The following KMT2A variants were observed in gnomAD, a reference collection of about 807,000 sequenced individuals.
KMT2A encodes the protein histone-lysine N-methyltransferase 2A.
KMT2A carries 16 observed loss-of-function variants against 345.3 expected under a neutral mutation model. The observed-to-expected ratio is 0.05, with a 90% CI of 0.03 to 0.07. The LOEUF is 0.07. KMT2A is among the 10% of genes least tolerant of loss of function. The probability of loss-of-function intolerance (pLI) is 1.00; values close to 1 mark genes in which losing one functional copy is unlikely to be tolerated. For synonymous variants in KMT2A, 1,599 were observed against 1,778.6 expected (o/e 0.90, Z 2.54); for missense variants, 3,272 against 4,841.6 (o/e 0.68, Z 9.62).
intron 1 of KMT2A, among the ~76,000 whole-genome samples, chr11:118,461,695 T>C (rs1406107845): frequency 6.6e-6 from 1 of 152,194 alleles, no homozygotes; most frequent in Non-Finnish European, 1.5e-5. Flanking sequence ...GTACCCTCTC[T>C]CTTCAGGGCT....
chr11:118,453,587 C>T (rs1159669189), intron 1 of KMT2A, among the ~76,000 whole-genome samples: 1 of 152,172 alleles, frequency 6.6e-6, no homozygotes, highest in Non-Finnish European at 1.5e-5. Context: ...CTCATCTATA[C>T]GCTGACAACT....
In KMT2A at chr11:118,481,976, C is replaced by T; in HGVS notation, c.3896C>T (p.Ser1299Phe). The change falls in exon 7 of 36, where the codon TCC (serine) becomes TTC (phenylalanine). Residue 1299 changes from serine to phenylalanine, a missense_variant. By Grantham distance (155) the Ser-to-Phe change is radical. Coordinates refer to ENST00000534358, the MANE Select transcript of KMT2A (RefSeq NM_001197104.2). ...PASRKSSKQV[S>F]QPALVIPPQP... ...TCCAGGAAGTCAAGCAAGCAGGTCT[C>T]CCAGCCAGCACTGGTCATCCCGCCT... 1 of 1,614,224 alleles carries T rather than the reference C, an allele frequency of 6.2e-7. No homozygotes were observed. Among genetic ancestry groups the T allele is most frequent in the Non-Finnish European group, 8.5e-7 (1 of 1,180,042 alleles).
In KMT2A at chr11:118,503,557, A is replaced by T; in HGVS notation, c.7665A>T (p.Ser2555=). The T allele has an allele frequency of 6.2e-7, 1 of 1,614,180 alleles. No homozygotes were observed. Among genetic ancestry groups the T allele is most frequent in the South Asian group, 1.1e-5 (1 of 91,092 alleles). ...SSPASPLQIE[S]TSPTEPISAS... Reference sequence around the variant, plus strand: ...CTGCTTCCCCTTTGCAAATAGAGTCAACATCTCCCACAGAACCAATTTCAG... The same window carrying T: ...CTGCTTCCCCTTTGCAAATAGAGTCTACATCTCCCACAGAACCAATTTCAG... Residue 2555 remains serine, a synonymous_variant, in exon 27 of 36, where the codon TCA becomes TCT. Coordinates refer to ENST00000534358, the MANE Select transcript of KMT2A (RefSeq NM_001197104.2). This position sits in a 1 kb window ranked among gnomAD's most constrained non-coding sequence, Gnocchi z 5.3.
rs782309219 is a variant in KMT2A at position 118,468,704 on chromosome 11, G to A, written c.433-71G>A. Reference sequence around the variant, plus strand: ...TCCAAATTCATTTGTGTCTCCTCTGGGCATTTCTTTGGGATGTGTTTGTAT... The same window carrying A: ...TCCAAATTCATTTGTGTCTCCTCTGAGCATTTCTTTGGGATGTGTTTGTAT... On this transcript the variant is annotated intron_variant, in intron 1 of 35. Coordinates refer to ENST00000534358, the MANE Select transcript of KMT2A (RefSeq NM_001197104.2). 1.1e-5 allele frequency: 13 copies of A among 1,160,416 alleles called. No homozygotes were observed. In the East Asian group the frequency reaches 1.2e-4, roughly 11 times the overall value. The allele number at this position is 1,160,416 out of a possible 1,614,324, so 71.9% of individuals were successfully genotyped here. A position where few individuals can be genotyped will look rare whatever the true frequency, so the allele number is the denominator to read the frequency against.
chr11:118,482,582 G>A (rs367597386), intron 8 of KMT2A, 87 bp downstream of exon 8: 1 of 942,632 alleles, frequency 1.1e-6, no homozygotes, highest in South Asian at 1.6e-5. Flanking sequence ...CTATGTAGAT[G>A]GCAGTGGAAT....
chr11:118,459,843 C>T (rs143144585), intron 1 of KMT2A, among the ~76,000 whole-genome samples: 71 of 150,328 alleles, frequency 4.7e-4, no homozygotes, highest in Non-Finnish European at 7.7e-4. Flanking sequence ...GGCACTACCA[C>T]GCCCGGCTAA....
At chr11:118,451,153 C>T (rs1279913247) in intron 1 of KMT2A, among the ~76,000 whole-genome samples, 3 of 151,264 alleles carry the variant, frequency 2.0e-5, no homozygotes, top group Non-Finnish European at 2.9e-5. Flanking sequence ...TGACCAGCTA[C>T]TGGGGCTCTA....
intron 1 of KMT2A, chr11:118,439,173 A>G (rs1949263822): frequency 1.5e-5 from 6 of 402,700 alleles, no homozygotes; most frequent in Non-Finnish European, 1.9e-5. Context: ...AAAAAAAAAA[A>G]GAAAAAAAAG....
chr11:118,438,696 CA>C (rs1949251628), intron 1 of KMT2A, among the ~76,000 whole-genome samples: 2 of 152,094 alleles, frequency 1.3e-5, no homozygotes, highest in South Asian at 4.2e-4. Flanking sequence ...GAGGAGATCC[CA>C]AGGACCCTGG....
chr11:118,470,471 G>A (rs1012017034), intron 2 of KMT2A, among the ~76,000 whole-genome samples: 3 of 151,920 alleles, frequency 2.0e-5, no homozygotes, highest in Non-Finnish European at 4.4e-5. Context: ...AAACCATCTC[G>A]ATATGCTTCA....
At position 118,510,333 on chromosome 11, in the gene KMT2A, T is replaced by G. The variant is rs573207631; in HGVS notation, c.11071+215T>G. On this transcript the variant is annotated intron_variant, in intron 30 of 35. Coordinates refer to ENST00000534358, the MANE Select transcript of KMT2A (RefSeq NM_001197104.2). This position sits in a 1 kb window ranked among gnomAD's most constrained non-coding sequence, Gnocchi z 4.1. Reference sequence around the variant, plus strand: ...AAAGTTAATGATACAGATTATGTTTTCAACATTGCACACACCTTAGCGGAG... The same window carrying G: ...AAAGTTAATGATACAGATTATGTTTGCAACATTGCACACACCTTAGCGGAG... Among the ~76,000 whole-genome samples, 1 of 152,354 alleles carries G rather than the reference T, an allele frequency of 6.6e-6. No individual in the cohort carries two copies. Among genetic ancestry groups the G allele is most frequent in the African/African-American group, 2.4e-5 (1 of 41,594 alleles).
At position 118,496,160 on chromosome 11, in the gene KMT2A, C is replaced by A; in HGVS notation, c.5558-101C>A. The A allele has an allele frequency of 1.1e-6, 1 of 893,058 alleles. No homozygotes were observed. Among genetic ancestry groups the A allele is most frequent in the Non-Finnish European group, 1.8e-6 (1 of 543,498 alleles). The allele number at this position is 893,058 out of a possible 1,614,324, so 55.3% of individuals were successfully genotyped here. ...AAGTGGTTATTTTATAGGCTGTGGG[C>A]TATGTAAGCTGAATTATTTCTTTTT... On this transcript the variant is annotated intron_variant, in intron 19 of 35. Coordinates refer to ENST00000534358, the MANE Select transcript of KMT2A (RefSeq NM_001197104.2). The surrounding 1 kb of genome is among the most constrained non-coding windows in gnomAD (Gnocchi z 4.7).
At chr11:118,447,736 G>T in intron 1 of KMT2A, 1 of 390,004 alleles carries the variant, frequency 2.6e-6, no homozygotes. Context: ...GAGAATGAAA[G>T]GTTAAGAGGC....
intron 1 of KMT2A, among the ~76,000 whole-genome samples, chr11:118,461,772 C>T (rs1011600636): frequency 2.6e-5 from 4 of 152,142 alleles, no homozygotes; most frequent in African/African-American, 9.7e-5. Flanking sequence ...CTTTTTTATA[C>T]ACATATTACT....
intron 30 of KMT2A, among the ~76,000 whole-genome samples, chr11:118,511,307 G>C (rs1412532053): frequency 6.6e-6 from 1 of 152,144 alleles, no homozygotes; most frequent in Admixed American, 6.6e-5. Flanking sequence ...ATGGAGAGGG[G>C]AGAGTCAAAG....
At position 118,493,770 on chromosome 11, in the gene KMT2A, C is replaced by T. The variant is rs1258510325; in HGVS notation, c.5179-518C>T. Among the ~76,000 whole-genome samples the T allele has an allele frequency of 2.0e-5, 3 of 152,074 alleles. No individual in the cohort carries two copies. The highest frequency in any genetic ancestry group is 4.4e-5 in the Non-Finnish European group (3 of 68,022). On this transcript the variant is annotated intron_variant, in intron 16 of 35. Transcript: ENST00000534358. This position sits in a 1 kb window ranked among gnomAD's most constrained non-coding sequence, Gnocchi z 5.8. ...TGTTACCCAGGCTGGCATGCAGTGA[C>T]ATGATCTCGGCTCACTGCAACCTCT...
In KMT2A at chr11:118,506,414, G is replaced by T; in HGVS notation, c.10522G>T (p.Val3508Leu). ...LEQNKALSSA[V>L]QASPTSPGGS... ...GCAGAACAAGGCTTTATCCTCAGCT[G>T]TGCAAGCCAGCCCCACCTCTCCTGG... The change falls in exon 27 of 36, where the codon GTG becomes TTG. Residue 3508 changes from valine to leucine, a missense_variant. Transcript: ENST00000534358. The T allele has an allele frequency of 6.2e-7, 1 of 1,614,184 alleles. No homozygotes were observed. Among genetic ancestry groups the T allele is most frequent in the Non-Finnish European group, 8.5e-7 (1 of 1,180,016 alleles).
chr11:118,493,180 G>T lies in KMT2A; in HGVS notation c.5128G>T (p.Asp1710Tyr), dbSNP rs781835522. 1 of 1,614,160 alleles carries T rather than the reference G, an allele frequency of 6.2e-7. No homozygotes were observed. Among genetic ancestry groups the T allele is most frequent in the East Asian group, 2.2e-5 (1 of 44,876 alleles). ...VSKQDDQQPL[D>Y]LEGVKRKMDQ... ...CAAACAGGATGATCAGCAGCCTTTA[G>T]ATCTAGAAGGAGTCAAGAGGAAGAT... Residue 1710 changes from aspartate (D) to tyrosine (Y), a missense_variant, in exon 16 of 36, where the codon GAT becomes TAT. Asp to Tyr is a radical substitution (Grantham distance 160, BLOSUM62 -3). This residue lies in a region of KMT2A where 235 missense variants were observed against 503.4 expected (regional missense o/e 0.47). Transcript: ENST00000534358. The surrounding 1 kb of genome is among the most constrained non-coding windows in gnomAD (Gnocchi z 5.8).
chr11:118,508,817 C>T (rs1555049292), intron 28 of KMT2A, among the ~76,000 whole-genome samples: 1 of 151,310 alleles, frequency 6.6e-6, no homozygotes, highest in Non-Finnish European at 1.5e-5. Context: ...ATTTAAGTAA[C>T]TTTAGAATTG....
Sources: gnomAD v4.1 joint callset for allele counts (sites outside exome capture counted in the v4.1 genomes callset) on GRCh38, gnomAD v4.1.1 for gene constraint, gnomAD v4.1.1 regional missense constraint, Gnocchi (gnomAD v3.1) non-coding constraint, MANE v1.5 for transcripts, NCBI Gene and HGNC (gene_info 2026-07-23, HGNC 2026-07-21) for gene names.